The following IRX2 variants were observed in gnomAD, a reference collection of about 807,000 sequenced individuals.
IRX2 encodes the protein iroquois homeobox 2, also known as iroquois-class homeodomain protein IRX-2.
A neutral mutation model predicts 42.9 loss-of-function variants in IRX2; 26 were observed. The observed-to-expected ratio is 0.61, with a 90% confidence interval of 0.44 to 0.84. The LOEUF (loss-of-function observed/expected upper bound fraction) is 0.84. IRX2 is among the 40% of genes least tolerant of loss of function. IRX2 has a pLI of 0.00. For synonymous variants in IRX2, 424 were observed against 353.9 expected (o/e 1.20, Z -2.22); for missense variants, 782 against 713.9 (o/e 1.10, Z -1.09).
At position 2,751,457 on chromosome 5, in the gene IRX2, C is replaced by T. The variant is rs1421609379; in HGVS notation, c.-44G>A. ...GGCCCGCGTCACGCCGAGCAGCGGG[C>T]AGGGCGCGCGGCGCCCTCCATCCAC... On this transcript the variant is annotated 5_prime_UTR_variant, in exon 1 of 4. Transcript: ENST00000302057. This position sits in a 1 kb window ranked among gnomAD's most constrained non-coding sequence, Gnocchi z 4.0. 4.4e-6 allele frequency: 5 copies of T among 1,146,102 alleles called. No individual in the cohort carries two copies. In the Admixed American group the frequency reaches 2.5e-4, roughly 58 times the overall value. The allele number at this position is 1,146,102 out of a possible 1,614,324, so 71.0% of individuals were successfully genotyped here. A position where few individuals can be genotyped will look rare whatever the true frequency, so the allele number is the denominator to read the frequency against.
the IRX2 span, among the ~76,000 whole-genome samples, chr5:2,740,362 T>C: frequency 6.6e-6 from 1 of 151,208 alleles, no homozygotes; most frequent in Non-Finnish European, 1.5e-5. Context: ...CCCCCTCTCC[T>C]GCGACTGTTC....
chr5:2,736,872 T>C, the IRX2 span: 1 of 152,260 alleles, frequency 6.6e-6, no homozygotes, highest in Admixed American at 6.5e-5. Flanking sequence ...GCACATATTT[T>C]GTGATTTCTC....
intron 2 of IRX2, 106 bp downstream of exon 2, chr5:2,749,276 G>A: frequency 6.8e-7 from 1 of 1,473,172 alleles, no homozygotes; most frequent in South Asian, 1.4e-5. Context: ...TGGGGCTCCG[G>A]CCCGGACCTG....
chr5:2,750,846 G>C (rs866799941), intron 1 of IRX2, among the ~76,000 whole-genome samples: 1 of 152,192 alleles, frequency 6.6e-6, no homozygotes, highest in Non-Finnish European at 1.5e-5. Flanking sequence ...GGAAACCAGG[G>C]ACAAACGGCG....
chr5:2,744,125 G>C (rs530057086), downstream of IRX2, among the ~76,000 whole-genome samples: 54 of 147,540 alleles, frequency 3.7e-4, no homozygotes, highest in African/African-American at 1.1e-3. Context: ...TGTGTTGAAA[G>C]GGAACAGGGA....
chr5:2,737,582 A>G, the IRX2 span: 1 of 152,184 alleles, frequency 6.6e-6, no homozygotes, highest in African/African-American at 2.4e-5. Flanking sequence ...CCTCTCCACC[A>G]AGATCACAGG....
Position 2,751,259 on chromosome 5 carries a change from G to A in IRX2, c.155C>T (p.Ala52Val). The part of the protein sequence containing the change: ...GSAFSPYPGS[A>V]AFTAQAATGF... ...GGTGGCCGCCTGCGCCGTGAAGGCC[G>A]CCGAGCCCGGGTAGGGGCTGAACGC... Residue 52 changes from alanine (A) to valine (V), a missense_variant, in exon 1 of 4, where the codon GCG becomes GTG. Physicochemically the swap from Ala to Val is moderately conservative, Grantham distance 64. Around this residue, in one of 3 missense-constraint regions of IRX2, gnomAD observed 256 missense variants for 250.0 expected, o/e 1.02. Coordinates refer to ENST00000302057, the MANE Select transcript of IRX2 (RefSeq NM_033267.5). This position sits in a 1 kb window ranked among gnomAD's most constrained non-coding sequence, Gnocchi z 4.0. 5.0e-6 allele frequency: 7 copies of A among 1,407,082 alleles called. No individual in the cohort carries two copies. Among genetic ancestry groups the A allele is most frequent in the Non-Finnish European group, 6.5e-6 (7 of 1,079,614 alleles). 87.2% of individuals were successfully genotyped at this position (1,407,082 alleles called of 1,614,324 possible). A position where few individuals can be genotyped will look rare whatever the true frequency, so the allele number is the denominator to read the frequency against.
chr5:2,736,430 G>A, the IRX2 span, among the ~76,000 whole-genome samples: 3 of 152,178 alleles, frequency 2.0e-5, no homozygotes, highest in Non-Finnish European at 4.4e-5. Context: ...ACTTTTTATG[G>A]ATAAGTTATA....
rs1355782159 is a variant in IRX2 at position 2,751,271 on chromosome 5, T to A, written c.143A>T (p.Tyr48Phe). 10 of 1,420,754 alleles carry A rather than the reference T, an allele frequency of 7.0e-6. No individual in the cohort carries two copies. The highest frequency in any genetic ancestry group is 9.2e-6 in the Non-Finnish European group (10 of 1,087,630). The allele number at this position is 1,420,754 out of a possible 1,614,324, so 88.0% of individuals were successfully genotyped here. A position where few individuals can be genotyped will look rare whatever the true frequency, so the allele number is the denominator to read the frequency against. Residue 48 changes from tyrosine to phenylalanine, a missense_variant, in exon 1 of 4, where the codon TAC becomes TTC. Coordinates refer to ENST00000302057, the MANE Select transcript of IRX2 (RefSeq NM_033267.5). This position sits in a 1 kb window ranked among gnomAD's most constrained non-coding sequence, Gnocchi z 4.0. ...RSASGSAFSPYPGSAAFTAQA... is the reference protein window; with the variant it reads ...RSASGSAFSPFPGSAAFTAQA... Reference sequence around the variant, plus strand: ...CGCCGTGAAGGCCGCCGAGCCCGGGTAGGGGCTGAACGCCGAGCCCGACGC... The same window carrying A: ...CGCCGTGAAGGCCGCCGAGCCCGGGAAGGGGCTGAACGCCGAGCCCGACGC...
chr5:2,748,610 C>T lies in IRX2; in HGVS notation c.1098G>A (p.Pro366=), dbSNP rs774767226. The change falls in exon 3 of 4, where the codon CCG becomes CCA. Residue 366 remains proline, a synonymous_variant. Transcript: ENST00000302057. ...AGGCAGGGTAGGGCGAGCCTCCTGG[C>T]GGTGCCCCGGTTGAGGCCGGCGCGG... ...AAAAPASTGA[P]PGGSPYPASP... 2.0e-6 allele frequency: 3 copies of T among 1,528,028 alleles called. No individual in the cohort carries two copies. The highest frequency in any genetic ancestry group is 1.2e-5 in the South Asian group (1 of 81,938). The allele number at this position is 1,528,028 out of a possible 1,614,324, so 94.7% of individuals were successfully genotyped here. A position where few individuals can be genotyped will look rare whatever the true frequency, so the allele number is the denominator to read the frequency against.
At chr5:2,748,031 C>T (rs545181446) in intron 3 of IRX2, among the ~76,000 whole-genome samples, 1 of 152,300 alleles carries the variant, frequency 6.6e-6, no homozygotes, top group African/African-American at 2.4e-5. Context: ...CACACCCAGG[C>T]TCATTAGGGC....
Position 2,749,496 on chromosome 5 carries a change from C to T in IRX2, c.541G>A (p.Ala181Thr), listed in dbSNP as rs1249378351. The change falls in exon 2 of 4, where the codon GCC becomes ACC. Residue 181 changes from alanine to threonine, a missense_variant. By Grantham distance (58) the Ala-to-Thr change is moderately conservative. Around this residue, in one of 3 missense-constraint regions of IRX2, gnomAD observed 520 missense variants for 437.8 expected, o/e 1.19. Coordinates refer to ENST00000302057, the MANE Select transcript of IRX2 (RefSeq NM_033267.5). ...RLKKENKMTW[A>T]PRNKSEDEDE... ...TCATCTTCGCTTTTGTTTCTCGGGG[C>T]CCAGGTCATCTTGTTCTCCTTCTTG... 6.2e-7 allele frequency: 1 copy of T among 1,614,210 alleles called. No homozygotes were observed. Among genetic ancestry groups the T allele is most frequent in the South Asian group, 1.1e-5 (1 of 91,086 alleles).
intron 3 of IRX2, 132 bp downstream of exon 3, chr5:2,748,210 TCTG>T (rs973023039): frequency 1.8e-5 from 13 of 737,866 alleles, no homozygotes; most frequent in Non-Finnish European, 2.3e-5. Context: ...CCGCCCTCAC[TCTG>T]CTAATTCTGG....
the IRX2 span, among the ~76,000 whole-genome samples, chr5:2,735,772 C>A: frequency 6.6e-6 from 1 of 152,140 alleles, no homozygotes; most frequent in African/African-American, 2.4e-5. Context: ...GAGCTGAATG[C>A]CAGGCCCCAT....
the IRX2 span, among the ~76,000 whole-genome samples, chr5:2,739,259 G>T: frequency 6.6e-6 from 1 of 152,336 alleles, no homozygotes; most frequent in South Asian, 2.1e-4. Flanking sequence ...TGCGCCCAAG[G>T]GGCGTCCCCC....
chr5:2,747,671 C>A, intron 3 of IRX2, 55 bp from the exon 4 acceptor site: 3 of 1,566,082 alleles, frequency 1.9e-6, no homozygotes, highest in Non-Finnish European at 2.6e-6. Flanking sequence ...GCTGGCTGCG[C>A]AGACCACCGT....
At chr5:2,741,598 C>T (rs1015490931), downstream of IRX2, among the ~76,000 whole-genome samples, 4 of 152,032 alleles carry the variant, frequency 2.6e-5, no homozygotes, top group Admixed American at 1.3e-4. Flanking sequence ...CCTAAAATAA[C>T]CCAAGGTAAT....
downstream of IRX2, among the ~76,000 whole-genome samples, chr5:2,741,156 C>A (rs939661562): frequency 1.3e-5 from 2 of 152,248 alleles, no homozygotes; most frequent in African/African-American, 4.8e-5. Flanking sequence ...AAAGTTCTCC[C>A]CGAAGCCCAC....
the IRX2 span, among the ~76,000 whole-genome samples, chr5:2,738,710 C>T: frequency 2.6e-5 from 4 of 152,132 alleles, no homozygotes; most frequent in East Asian, 1.9e-4. Context: ...ACCCTCACCA[C>T]CCCCAGCCGC....
Sources: gnomAD v4.1 joint callset for allele counts (sites outside exome capture counted in the v4.1 genomes callset) on GRCh38, gnomAD v4.1.1 for gene constraint, gnomAD v4.1.1 regional missense constraint, Gnocchi (gnomAD v3.1) non-coding constraint, MANE v1.5 for transcripts, NCBI Gene and HGNC (gene_info 2026-07-23, HGNC 2026-07-21) for gene names.